Variants in PTCHD4 observed in about 807,000 individuals in gnomAD.
PTCHD4 encodes the protein patched domain containing 4, also known as patched domain-containing protein 4.
Under a neutral mutation model 58.1 loss-of-function variants are expected in PTCHD4, and 33 were observed. The ratio of observed to expected loss-of-function variants is 0.57; its 90% CI spans 0.43 to 0.76. PTCHD4 has a LOEUF of 0.76. Ranked by LOEUF, PTCHD4 falls within the 30% of genes least tolerant of loss-of-function variation. The pLI is 0.00. For missense variants in PTCHD4, 1,058 were observed against 1,027.1 expected, an observed-to-expected ratio of 1.03 and a Z score of -0.41; for synonymous variants, 478 against 409.6, an observed-to-expected ratio of 1.17 and a Z score of -2.02.
Position 47,879,268 on chromosome 6 carries a change from G to T in PTCHD4, c.1567C>A (p.Pro523Thr). The T allele has an allele frequency of 6.2e-7, 1 of 1,612,596 alleles. No homozygotes were observed. The highest frequency in any genetic ancestry group is 8.5e-7 in the Non-Finnish European group (1 of 1,179,314). ...ACGCTGCTGTTCCAGTACTCTAGGG[G>T]CTCATAGACGTAGAATCCTATCACA... The part of the protein sequence containing the change: ...SPVIGFYVYE[P>T]LEYWNSSVQD... Residue 523 changes from proline (P) to threonine (T), a missense_variant, in exon 5 of 5, where the codon CCC (proline) becomes ACC (threonine). Coordinates refer to ENST00000339488, the MANE Select transcript of PTCHD4 (RefSeq NM_001384253.1).
intron 3 of PTCHD4, among the ~76,000 whole-genome samples, chr6:48,031,435 A>C (rs1243837012): frequency 2.6e-5 from 4 of 152,120 alleles, no homozygotes; most frequent in Admixed American, 2.6e-4. Flanking sequence ...TGGTCCCTGC[A>C]CCTATCACAA....
At chr6:47,925,063 TTATA>T (rs1765559266) in intron 4 of PTCHD4, among the ~76,000 whole-genome samples, 1 of 149,878 alleles carries the variant, frequency 6.7e-6, no homozygotes, top group South Asian at 2.1e-4. Flanking sequence ...ACCAGACATT[TTATA>T]TATATAAAAA....
chr6:47,944,572 A>T (rs191634785), intron 4 of PTCHD4, among the ~76,000 whole-genome samples: 1 of 152,124 alleles, frequency 6.6e-6, no homozygotes, highest in Non-Finnish European at 1.5e-5. Context: ...GGACATATCT[A>T]CATTAAGAAT....
At chr6:48,056,870 A>T (rs1764423205) in intron 3 of PTCHD4, among the ~76,000 whole-genome samples, 1 of 152,206 alleles carries the variant, frequency 6.6e-6, no homozygotes, top group East Asian at 1.9e-4. Flanking sequence ...AAGTCTCCAG[A>T]TGTGATTCTG....
intron 3 of PTCHD4, among the ~76,000 whole-genome samples, chr6:48,055,072 T>C (rs1764361335): frequency 6.6e-6 from 1 of 152,172 alleles, no homozygotes; most frequent in African/African-American, 2.4e-5. Context: ...CTATTTCCTA[T>C]GTGTTACCCA....
chr6:48,081,895 T>C (rs188739069), intron 1 of PTCHD4, among the ~76,000 whole-genome samples: 8 of 152,316 alleles, frequency 5.3e-5, no homozygotes, highest in Non-Finnish European at 2.9e-5. Context: ...AACTGTGGCA[T>C]AGAAATTGCT....
chr6:47,935,864 A>T (rs889550914), intron 4 of PTCHD4, among the ~76,000 whole-genome samples: 1 of 152,214 alleles, frequency 6.6e-6, no homozygotes, highest in African/African-American at 2.4e-5. Context: ...GGAGAAAAAT[A>T]AAACTAATGA....
rs1763408685 is a variant in PTCHD4, at chr6:47,860,804, G to A, written c.*17499C>T. ...CTTGGGATTTATCTACTTAAGCAAAGCAATTAGGTTACAAATGAACTGGCG... is the reference window on the plus strand; with the variant it reads ...CTTGGGATTTATCTACTTAAGCAAAACAATTAGGTTACAAATGAACTGGCG... On this transcript the variant is annotated 3_prime_UTR_variant, in exon 5 of 5. Coordinates refer to ENST00000339488, the MANE Select transcript of PTCHD4 (RefSeq NM_001384253.1). Among the ~76,000 whole-genome samples the A allele has an allele frequency of 6.6e-6, 1 of 152,054 alleles. No individual in the cohort carries two copies. Among genetic ancestry groups the A allele is most frequent in the Non-Finnish European group, 1.5e-5 (1 of 67,922 alleles).
chr6:48,097,585 A>C (rs998969294), intron 1 of PTCHD4, among the ~76,000 whole-genome samples: 3 of 152,198 alleles, frequency 2.0e-5, no homozygotes, highest in Admixed American at 6.5e-5. Flanking sequence ...TATAAAGTTC[A>C]CTTTGGGTCT....
At chr6:48,032,632 A>T (rs1031809213) in intron 3 of PTCHD4, among the ~76,000 whole-genome samples, 13 of 152,190 alleles carry the variant, frequency 8.5e-5, no homozygotes, top group African/African-American at 2.7e-4. Flanking sequence ...TCTGGTTATA[A>T]TAAAATGGAC....
chr6:48,030,299 C>T (rs1763390499), intron 3 of PTCHD4, among the ~76,000 whole-genome samples: 1 of 151,896 alleles, frequency 6.6e-6, no homozygotes, highest in Non-Finnish European at 1.5e-5. Flanking sequence ...AATTATGTTT[C>T]CATGGAAAAT....
At chr6:48,001,849 C>T (rs955969515) in intron 4 of PTCHD4, among the ~76,000 whole-genome samples, 6 of 152,138 alleles carry the variant, frequency 3.9e-5, no homozygotes, top group Non-Finnish European at 5.9e-5. Context: ...AAAATTTTTG[C>T]AATCTACTCA....
chr6:47,989,244 T>C (rs966228086), intron 4 of PTCHD4, among the ~76,000 whole-genome samples: 1 of 151,970 alleles, frequency 6.6e-6, no homozygotes, highest in Non-Finnish European at 1.5e-5. Flanking sequence ...GTGACTTGAG[T>C]GTTGTTAAAG....
Position 47,887,978 on chromosome 6 carries a change from G to A in PTCHD4, c.899-8042C>T, listed in dbSNP as rs543412683. On this transcript the variant is annotated intron_variant, in intron 4 of 4. Transcript: ENST00000339488. ...CCTTTGATAATGTTGTTCAATGAGG[G>A]AGGGCCTCGCTTTATCTTGTCCTTA... 1.7e-4 allele frequency among the ~76,000 whole-genome samples: 26 copies of A among 152,284 alleles called. No individual in the cohort carries two copies. In the South Asian group the frequency reaches 5.4e-3, roughly 32 times the overall value.
At chr6:48,074,381 C>G (rs1454960650) in intron 1 of PTCHD4, among the ~76,000 whole-genome samples, 1 of 152,330 alleles carries the variant, frequency 6.6e-6, no homozygotes, top group Admixed American at 6.5e-5. Context: ...ACAGCTTGAG[C>G]TCTGTGCTCA....
intron 3 of PTCHD4, among the ~76,000 whole-genome samples, chr6:48,055,119 G>T (rs145237458): frequency 6.6e-6 from 1 of 152,072 alleles, no homozygotes; most frequent in Non-Finnish European, 1.5e-5. Flanking sequence ...AGACAGACTC[G>T]ATCAATAACT....
rs1227304821 is a variant in PTCHD4 at position 47,860,179 on chromosome 6, C to T, written c.*18124G>A. On this transcript the variant is annotated 3_prime_UTR_variant, in exon 5 of 5. Coordinates refer to ENST00000339488, the MANE Select transcript of PTCHD4 (RefSeq NM_001384253.1). ...ATGAATCATGCAATCATTTCTTGTG[C>T]TTTATTGTGAGTGACTATTTCTTCT... 6.6e-6 allele frequency among the ~76,000 whole-genome samples: 1 copy of T among 151,966 alleles called. No homozygotes were observed. The highest frequency in any genetic ancestry group is 6.6e-5 in the Admixed American group (1 of 15,208).
At position 48,008,978 on chromosome 6, in the gene PTCHD4, T is replaced by G; in HGVS notation, c.554A>C (p.Asp185Ala). 1 of 1,613,932 alleles carries G rather than the reference T, an allele frequency of 6.2e-7. No homozygotes were observed. The highest frequency in any genetic ancestry group is 8.5e-7 in the Non-Finnish European group (1 of 1,179,884). Residue 185 changes from aspartate to alanine, a missense_variant, in exon 4 of 5, where the codon GAC (aspartate) becomes GCC (alanine). Asp to Ala is a moderately radical substitution (Grantham distance 126, BLOSUM62 -2). Coordinates refer to ENST00000339488, the MANE Select transcript of PTCHD4 (RefSeq NM_001384253.1). Reference sequence around the variant, plus strand: ...ATTCTCCCACTTCTCCCCTATGAGGTCTTGGGTGGCAGAGCCATAGGTCTG... The same window carrying G: ...ATTCTCCCACTTCTCCCCTATGAGGGCTTGGGTGGCAGAGCCATAGGTCTG... ...YLQTYGSATQ[D>A]LIGEKWENEF...
At chr6:47,907,710 A>G (rs1344843467) in intron 4 of PTCHD4, among the ~76,000 whole-genome samples, 1 of 152,158 alleles carries the variant, frequency 6.6e-6, no homozygotes, top group Non-Finnish European at 1.5e-5. Context: ...CCATTCCAGC[A>G]AAACATCATG....
Sources: gnomAD v4.1 joint callset for allele counts (sites outside exome capture counted in the v4.1 genomes callset) on GRCh38, gnomAD v4.1.1 for gene constraint, MANE v1.5 for transcripts, NCBI Gene and HGNC (gene_info 2026-07-23, HGNC 2026-07-21) for gene names.